Variants in AFF4 observed in about 807,000 individuals in gnomAD.
AFF4 encodes the protein ALF transcription elongation factor 4.
Under a neutral mutation model 124.8 loss-of-function variants are expected in AFF4, and 13 were observed. The ratio of observed to expected loss-of-function variants is 0.10; its 90% confidence interval spans 0.07 to 0.17. AFF4 has a LOEUF of 0.17. Ranked by LOEUF, AFF4 falls within the 10% of genes least tolerant of loss-of-function variation. AFF4 has a pLI of 1.00. For synonymous variants in AFF4, 477 were observed against 496.1 expected (o/e 0.96, Z 0.51); for missense variants, 1,092 against 1,403.8 (o/e 0.78, Z 3.55).
intron 5 of AFF4, among the ~76,000 whole-genome samples, chr5:132,909,562 G>C (rs1236428914): frequency 6.6e-6 from 1 of 152,194 alleles, no homozygotes; most frequent in Non-Finnish European, 1.5e-5. Context: ...ATCTGTGTGT[G>C]AGATAGAGAG....
intron 5 of AFF4, among the ~76,000 whole-genome samples, chr5:132,913,400 C>T (rs991976822): frequency 6.6e-6 from 1 of 152,136 alleles, no homozygotes; most frequent in African/African-American, 2.4e-5. Context: ...TAGTATAACA[C>T]TATAAGCCAA....
intron 7 of AFF4, chr5:132,901,101 C>T: frequency 6.1e-6 from 6 of 985,386 alleles, no homozygotes; most frequent in Non-Finnish European, 7.2e-6. Context: ...CAGACAGGGG[C>T]TTAGTGCATC....
chr5:132,919,430 T>C (rs1393995909), intron 5 of AFF4, among the ~76,000 whole-genome samples: 1 of 152,232 alleles, frequency 6.6e-6, no homozygotes, highest in Non-Finnish European at 1.5e-5. Flanking sequence ...AGAAGGCTTT[T>C]AAATAAAGAT....
In AFF4 at chr5:132,880,249, T is replaced by TGAAA. The variant is rs1263575488; in HGVS notation, c.*806_*809dup. 3 of 398,900 alleles carry TGAAA rather than the reference T, an allele frequency of 7.5e-6. No homozygotes were observed. Among genetic ancestry groups the TGAAA allele is most frequent in the Non-Finnish European group, 1.3e-5 (3 of 226,032 alleles). 24.7% of individuals were successfully genotyped at this position (398,900 alleles called of 1,614,324 possible). ...CGTAACGTTCAGGATTGTCCTTTTA[T>TGAAA]GAAACCCTTCAACATGAAATGCTTC... On this transcript the variant is annotated 3_prime_UTR_variant, in exon 21 of 21. Coordinates refer to ENST00000265343, the MANE Select transcript of AFF4 (RefSeq NM_014423.4).
Position 132,956,625 on chromosome 5 carries a change from C to T in AFF4, c.-5+6634G>A, listed in dbSNP as rs891408057. 2.4e-4 allele frequency among the ~76,000 whole-genome samples: 35 copies of T among 144,844 alleles called. No individual in the cohort carries two copies. The Middle Eastern group carries it at 0.011, about 45-fold the overall frequency. On this transcript the variant is annotated intron_variant, in intron 1 of 20. Transcript: ENST00000265343. ...CCAGCCTGGGCAACAGAGCAAGACT[C>T]CATCTCAGAAAAAAAAAAAAAAAGA...
chr5:132,886,230 T>A, intron 18 of AFF4, 80 bp downstream of exon 18: 1 of 1,223,106 alleles, frequency 8.2e-7, no homozygotes, highest in Non-Finnish European at 1.2e-6. Flanking sequence ...TGCATAAACA[T>A]GAGGGCAGTT....
chr5:132,879,206 G>A lies in AFF4; in HGVS notation c.*1853C>T. ...CAGTTAAGAAGCTCTATAAATATGA[G>A]GCCACAGGGACAATGAAAGTTCACT... On this transcript the variant is annotated 3_prime_UTR_variant, in exon 21 of 21. Transcript: ENST00000265343. The A allele has an allele frequency of 4.5e-6, 1 of 220,244 alleles. No individual in the cohort carries two copies. The highest frequency in any genetic ancestry group is 9.1e-6 in the Non-Finnish European group (1 of 109,824). 13.6% of individuals were successfully genotyped at this position (220,244 alleles called of 1,614,324 possible).
At chr5:132,886,189 CCCAA>C in intron 18 of AFF4, 117 bp downstream of exon 18, 2 of 805,208 alleles carry the variant, frequency 2.5e-6, no homozygotes, top group South Asian at 3.4e-5. Flanking sequence ...TTTGAAAAGT[CCCAA>C]ACAGTAGCTC....
At chr5:132,891,904 C>T (rs1246671927) in intron 13 of AFF4, 1 of 548,996 alleles carries the variant, frequency 1.8e-6, no homozygotes, top group Non-Finnish European at 3.2e-6. Context: ...ATCTTAGCCT[C>T]CCAAATAGCT....
rs564181263 is a variant in AFF4, at chr5:132,950,996, G to A, written c.-5+12263C>T. 3.9e-5 allele frequency among the ~76,000 whole-genome samples: 6 copies of A among 152,224 alleles called. No individual in the cohort carries two copies. The East Asian group carries it at 7.7e-4, about 20-fold the overall frequency. On this transcript the variant is annotated intron_variant, in intron 1 of 20. Transcript: ENST00000265343. ...TCCCAGCACTCTGGGAGGCTAAGAC[G>A]GGCAGATCACTTGAAGCCAGGAGTT...
chr5:132,900,577 C>CAA (rs1014006219), intron 7 of AFF4, among the ~76,000 whole-genome samples: 7 of 151,534 alleles, frequency 4.6e-5, no homozygotes, highest in Non-Finnish European at 5.9e-5. Context: ...CAAAACAAAA[C>CAA]AAAAAAAACT....
intron 11 of AFF4, 74 bp from the exon 12 acceptor site, chr5:132,893,192 A>G: frequency 8.3e-7 from 1 of 1,201,340 alleles, no homozygotes. Flanking sequence ...CTACCCACAA[A>G]GAGTTTATCC....
chr5:132,882,213 CAAA>C (rs35340388), intron 20 of AFF4, among the ~76,000 whole-genome samples: 35 of 120,270 alleles, frequency 2.9e-4, no homozygotes, highest in Admixed American at 3.3e-4. Context: ...AACCCTGTCT[CAAA>C]AAAAAAAAAA....
chr5:132,911,043 G>A (rs938946790), intron 5 of AFF4, among the ~76,000 whole-genome samples: 1 of 152,158 alleles, frequency 6.6e-6, no homozygotes, highest in Non-Finnish European at 1.5e-5. Context: ...TAAAGCTACT[G>A]TCCTCTACTT....
chr5:132,882,210 T>G (rs922302325), intron 20 of AFF4, among the ~76,000 whole-genome samples: 11 of 117,900 alleles, frequency 9.3e-5, no homozygotes, highest in Non-Finnish European at 2.2e-4. Context: ...TAAAACCCTG[T>G]CTCAAAAAAA....
At chr5:132,927,303 G>A (rs1448697858) in intron 4 of AFF4, 96 bp from the exon 5 acceptor site, 2 of 1,026,616 alleles carry the variant, frequency 1.9e-6, no homozygotes, top group East Asian at 2.6e-5. Flanking sequence ...CTGGTTTCAT[G>A]ACAGCTCCTC....
At chr5:132,882,872 AAT>A (rs1760018981) in intron 20 of AFF4, among the ~76,000 whole-genome samples, 6 of 151,166 alleles carry the variant, frequency 4.0e-5, no homozygotes, top group African/African-American at 2.4e-5. Flanking sequence ...AAAAAAAAAA[AAT>A]TTCTATTCAT....
At chr5:132,948,571 A>T (rs932314849) in intron 1 of AFF4, 3 of 154,366 alleles carry the variant, frequency 1.9e-5, no homozygotes, top group Non-Finnish European at 4.4e-5. Flanking sequence ...TAAGCGGCCT[A>T]ACTGGGGAGT....
chr5:132,899,082 C>T (rs773155005), intron 9 of AFF4, 22 bp downstream of exon 9: 30 of 1,609,816 alleles, frequency 1.9e-5, no homozygotes, highest in Non-Finnish European at 2.1e-5. Context: ...ACCAATAAAA[C>T]AGAAAAGAAA....
Sources: gnomAD v4.1 joint callset for allele counts (sites outside exome capture counted in the v4.1 genomes callset) on GRCh38, gnomAD v4.1.1 for gene constraint, MANE v1.5 for transcripts, NCBI Gene and HGNC (gene_info 2026-07-23, HGNC 2026-07-21) for gene names.